PLD5: variants seen among roughly 807,000 people sequenced by gnomAD.
The protein encoded by PLD5 is phospholipase D family member 5.
Under a neutral mutation model 61.1 loss-of-function variants are expected in PLD5, and 36 were observed. The observed-to-expected ratio is 0.59, with a 90% CI of 0.45 to 0.78. The LOEUF is 0.78. Among genes scored for constraint, PLD5 ranks in the 30% least tolerant of loss-of-function variants. The pLI is 0.00. For missense variants in PLD5, 515 were observed against 644.4 expected, an observed-to-expected ratio of 0.80 and a Z score of 2.17; for synonymous variants, 243 against 242.8, an observed-to-expected ratio of 1.00 and a Z score of -0.01.
chr1:242,098,907 C>T (rs183064649), intron 9 of PLD5, among the ~76,000 whole-genome samples: 5 of 152,240 alleles, frequency 3.3e-5, no homozygotes, highest in Admixed American at 6.5e-5. Flanking sequence ...GCTGCCTGAT[C>T]GTTCCTCTGG....
chr1:242,484,254 A>T (rs1278011624), intron 1 of PLD5, among the ~76,000 whole-genome samples: 1 of 152,206 alleles, frequency 6.6e-6, no homozygotes, highest in African/African-American at 2.4e-5. Flanking sequence ...CCCTTCAAAA[A>T]ATCAATGAAT....
chr1:242,281,305 G>T (rs1674706590), intron 3 of PLD5, among the ~76,000 whole-genome samples: 1 of 152,142 alleles, frequency 6.6e-6, no homozygotes, highest in African/African-American at 2.4e-5. Flanking sequence ...TGCAGAAAAG[G>T]AATGAGTGGG....
the PLD5 span, among the ~76,000 whole-genome samples, chr1:242,530,440 C>T: frequency 6.6e-6 from 1 of 152,144 alleles, no homozygotes; most frequent in Non-Finnish European, 1.5e-5. Flanking sequence ...AATAATCTAG[C>T]GTGACTAAAA....
At chr1:242,180,648 A>G (rs1396346720) in intron 5 of PLD5, among the ~76,000 whole-genome samples, 1 of 152,180 alleles carries the variant, frequency 6.6e-6, no homozygotes, top group African/African-American at 2.4e-5. Flanking sequence ...TTCTGGCTCC[A>G]GAGTTTCTAT....
intron 4 of PLD5, among the ~76,000 whole-genome samples, chr1:242,231,996 G>A (rs1671340096): frequency 6.7e-6 from 1 of 149,940 alleles, no homozygotes; most frequent in African/African-American, 2.4e-5. Context: ...CAAAAATGAC[G>A]AGACAGCTTA....
chr1:242,276,740 G>T (rs1022329496), intron 3 of PLD5, among the ~76,000 whole-genome samples: 7 of 151,748 alleles, frequency 4.6e-5, no homozygotes, highest in African/African-American at 1.5e-4. Context: ...TCATTTTTTG[G>T]CAATGAGCCA....
rs188090421 is a variant in PLD5 at position 242,393,877 on chromosome 1, T to C, written c.190-45635A>G. 2.3e-4 allele frequency among the ~76,000 whole-genome samples: 34 copies of C among 146,520 alleles called. 1 individual carries two copies. Among genetic ancestry groups the C allele is most frequent in the African/African-American group, 8.0e-4 (32 of 40,094 alleles). On this transcript the variant is annotated intron_variant, in intron 1 of 9. Transcript: ENST00000536534. ...GAGTTCGAGACCAGCCTGGCCAACA[T>C]GGTGAAACCCCGTCTCTACTAAAAA...
At chr1:242,467,812 GCC>G (rs1394466189) in intron 1 of PLD5, among the ~76,000 whole-genome samples, 3 of 152,038 alleles carry the variant, frequency 2.0e-5, no homozygotes, top group Non-Finnish European at 4.4e-5. Context: ...TCCCAAAATG[GCC>G]TTTGTTAGAG....
chr1:242,117,570 G>A (rs1338726211), intron 6 of PLD5, among the ~76,000 whole-genome samples: 7 of 151,878 alleles, frequency 4.6e-5, no homozygotes, highest in Admixed American at 6.6e-5. Flanking sequence ...TAGTAGAGAC[G>A]GGGTTTCACC....
chr1:242,482,149 G>A (rs1009258953), intron 1 of PLD5, among the ~76,000 whole-genome samples: 5 of 152,196 alleles, frequency 3.3e-5, no homozygotes, highest in Admixed American at 6.5e-5. Context: ...AAATCAGAGC[G>A]CCTCTCCTCC....
chr1:242,292,603 T>G (rs1675432731), intron 2 of PLD5, among the ~76,000 whole-genome samples: 1 of 152,216 alleles, frequency 6.6e-6, no homozygotes, highest in African/African-American at 2.4e-5. Context: ...GGGGGATCTA[T>G]GCACATGAAT....
intron 2 of PLD5, among the ~76,000 whole-genome samples, chr1:242,315,997 C>T (rs550261878): frequency 3.9e-5 from 6 of 152,132 alleles, no homozygotes; most frequent in East Asian, 1.9e-4. Flanking sequence ...CTTGAATCCT[C>T]GGTCAGTCAT....
chr1:242,154,426 T>C (rs185607167), intron 5 of PLD5, among the ~76,000 whole-genome samples: 8 of 152,310 alleles, frequency 5.3e-5, no homozygotes, highest in African/African-American at 1.9e-4. Context: ...ATGCCAGTTT[T>C]CAAAGGGAAT....
At chr1:242,287,999 T>TA (rs1285662939) in intron 3 of PLD5, among the ~76,000 whole-genome samples, 1 of 152,208 alleles carries the variant, frequency 6.6e-6, no homozygotes, top group African/African-American at 2.4e-5. Flanking sequence ...AGCGAGCAGT[T>TA]ACAGAATTAG....
chr1:242,412,777 T>C (rs1664625386), intron 1 of PLD5, among the ~76,000 whole-genome samples: 1 of 152,222 alleles, frequency 6.6e-6, no homozygotes, highest in Non-Finnish European at 1.5e-5. Context: ...GCTATTATCA[T>C]TTGTGCAGAT....
chr1:242,284,251 T>C (rs562649037), intron 3 of PLD5, among the ~76,000 whole-genome samples: 1 of 149,772 alleles, frequency 6.7e-6, no homozygotes, highest in East Asian at 2.0e-4. Context: ...AATTGTTCTG[T>C]TTCAGCCTCC....
chr1:242,341,693 T>C (rs1188182583), intron 2 of PLD5, among the ~76,000 whole-genome samples: 11 of 141,550 alleles, frequency 7.8e-5, no homozygotes, highest in South Asian at 4.8e-4. Context: ...GCCTATAATA[T>C]TACATGGGAC....
chr1:242,394,791 AATATATATGTGTATATATGTGAATAT>A lies in PLD5; in HGVS notation c.190-46575_190-46550del, dbSNP rs1663338388. Among the ~76,000 whole-genome samples the A allele has an allele frequency of 9.5e-5, 4 of 42,090 alleles. 1 individual carries two copies. The East Asian group carries it at 1.2e-3, about 13-fold the overall frequency. 27.6% of individuals were successfully genotyped at this position (42,090 alleles called of 152,430 possible). On this transcript the variant is annotated intron_variant, in intron 1 of 9. Transcript: ENST00000536534. Reference sequence around the variant, plus strand: ...GTGAATATATATGTGTATATATGTGAATATATATGTGTATATATGTGAATATATATACATATATGTGAATATATATA... The same window carrying A: ...GTGAATATATATGTGTATATATGTGAATATACATATATGTGAATATATATA...
intron 1 of PLD5, among the ~76,000 whole-genome samples, chr1:242,500,341 T>C (rs995181455): frequency 2.0e-5 from 3 of 152,248 alleles, no homozygotes; most frequent in African/African-American, 7.2e-5. Flanking sequence ...ACACAGTTTA[T>C]TTGGTTAAAC....
Sources: allele counts gnomAD v4.1 joint callset (sites outside exome capture counted in the v4.1 genomes callset), GRCh38; gene constraint gnomAD v4.1.1; transcripts MANE v1.5; gene names NCBI Gene and HGNC (gene_info 2026-07-23, HGNC 2026-07-21).